Variants in TXNDC5 observed in about 807,000 individuals in gnomAD.
TXNDC5 encodes the protein thioredoxin domain containing 5.
In TXNDC5, 44 loss-of-function variants were observed where a neutral mutation model predicts 52.6. That is an observed-to-expected ratio of 0.84 (90% CI 0.66 to 1.08). The LOEUF (loss-of-function observed/expected upper bound fraction) is 1.08, where lower values mean the gene tolerates loss of function less well. TXNDC5 is among the 50% of genes least tolerant of loss of function. The pLI, the probability that TXNDC5 is intolerant of heterozygous loss-of-function variation, is 0.00. For missense variants in TXNDC5, 600 were observed against 565.5 expected (o/e 1.06, Z -0.62); for synonymous variants, 241 against 234.4 (o/e 1.03, Z -0.26).
intron 1 of TXNDC5, among the ~76,000 whole-genome samples, chr6:7,908,281 C>CAAAAAAAAAAAAAAAAAAAAAAAAAAAAA (rs57783770): frequency 3.2e-5 from 2 of 62,766 alleles, no homozygotes; most frequent in African/African-American, 5.7e-5. Flanking sequence ...GACTCCATCT[C>CAAAAAAAAAAAAAAAAAAAAAAAAAAAAA]AAAAAAAAAA....
At chr6:7,890,325 C>A (rs9505303) in intron 5 of TXNDC5, among the ~76,000 whole-genome samples, 3 of 152,102 alleles carry the variant, frequency 2.0e-5, no homozygotes, top group African/African-American at 7.3e-5. Context: ...TATTTCAACA[C>A]CTAAGACCCG....
chr6:7,907,017 G>C (rs540382723), intron 1 of TXNDC5, among the ~76,000 whole-genome samples: 61 of 152,284 alleles, frequency 4.0e-4, no homozygotes, highest in African/African-American at 1.4e-3. Context: ...TGACTGACTG[G>C]GGCGGTGTCC....
chr6:7,888,010 C>G lies in TXNDC5; in HGVS notation c.963+695G>C, dbSNP rs552921874. Among the ~76,000 whole-genome samples, 96 of 152,342 alleles carry G rather than the reference C, an allele frequency of 6.3e-4. No individual in the cohort carries two copies. The Middle Eastern group carries it at 0.01, about 16-fold the overall frequency. On this transcript the variant is annotated intron_variant, in intron 7 of 9. Transcript: ENST00000379757. ...CCCTGCACACATTTCTGCCCCAGCC[C>G]CCTGCCATTGGCTTGTGTGTCTTCT...
In TXNDC5 at chr6:7,889,774, A is replaced by G. The variant is rs1760128449; in HGVS notation, c.733-193T>C. The stretch of plus-strand genomic sequence containing the variant: ...GCTAAAACATACCTGAGCTAAAAGG[A>G]GTAAAGGAAAGACTTTAGAGGCAAG... On this transcript the variant is annotated intron_variant, in intron 5 of 9. Coordinates refer to ENST00000379757, the MANE Select transcript of TXNDC5 (RefSeq NM_030810.5). Among the ~76,000 whole-genome samples the G allele has an allele frequency of 3.3e-5, 5 of 152,376 alleles. No homozygotes were observed. The South Asian group carries it at 1.0e-3, about 32-fold the overall frequency.
At chr6:7,895,442 T>A (rs145506893) in intron 3 of TXNDC5, among the ~76,000 whole-genome samples, 3 of 152,238 alleles carry the variant, frequency 2.0e-5, no homozygotes, top group Admixed American at 1.3e-4. Context: ...AAGCTCTAGG[T>A]CTGAGTCTCC....
In TXNDC5 at chr6:7,884,351, G is replaced by A; in HGVS notation, c.1176+8C>T. The A allele has an allele frequency of 6.2e-7, 1 of 1,613,928 alleles. No homozygotes were observed. Reference sequence around the variant, plus strand: ...AGAGCTCCCATAAGCATCCATCCAAGTACCCACCGAATACTTGCTGCAGAT... The same window carrying A: ...AGAGCTCCCATAAGCATCCATCCAAATACCCACCGAATACTTGCTGCAGAT... On this transcript the variant is annotated splice_region_variant and intron_variant, in intron 9 of 9. Transcript: ENST00000379757.
rs1759881677 is a variant in TXNDC5, at chr6:7,884,372, C to T, written c.1163G>A (p.Cys388Tyr). The change falls in exon 9 of 10, where the codon TGC becomes TAC. Residue 388 changes from cysteine to tyrosine, a missense_variant. Physicochemically the swap from Cys to Tyr is radical, Grantham distance 194. Coordinates refer to ENST00000379757, the MANE Select transcript of TXNDC5 (RefSeq NM_030810.5). ...EVDCTAERNI[C>Y]SKYSVRGYPT... ...CCAAGTACCCACCGAATACTTGCTG[C>T]AGATATTCCGTTCAGCAGTGCAGTC... is the stretch of plus-strand genomic sequence containing the variant. 6.2e-7 allele frequency: 1 copy of T among 1,613,996 alleles called. No individual in the cohort carries two copies. The highest frequency in any genetic ancestry group is 1.3e-5 in the African/African-American group (1 of 74,906).
At chr6:7,899,532 A>G (rs57491386) in intron 3 of TXNDC5, 44 bp downstream of exon 3, 60 of 1,176,714 alleles carry the variant, frequency 5.1e-5, no homozygotes, top group Middle Eastern at 2.5e-4. Flanking sequence ...AGGCAGGGAG[A>G]GAGGGAGGGA....
At position 7,884,442 on chromosome 6, in the gene TXNDC5, T is replaced by C; in HGVS notation, c.1093A>G (p.Lys365Glu). The change falls in exon 9 of 10, where the codon AAA becomes GAA. Residue 365 changes from lysine (K) to glutamate (E), a missense_variant. Transcript: ENST00000379757. ...CCCGCCAGACCAGGGAATTCCTTTT[T>C]AGAGAGTTCCTCCCAAGTAGGAGCC... is the stretch of plus-strand genomic sequence containing the variant. Reference protein sequence around the residue: ...TLAPTWEELSKKEFPGLAGVK... With the variant: ...TLAPTWEELSEKEFPGLAGVK... 2 of 1,614,088 alleles carry C rather than the reference T, an allele frequency of 1.2e-6. No homozygotes were observed. Among genetic ancestry groups the C allele is most frequent in the Non-Finnish European group, 1.7e-6 (2 of 1,179,976 alleles).
At chr6:7,908,637 C>T (rs1561817237) in intron 1 of TXNDC5, among the ~76,000 whole-genome samples, 1 of 152,020 alleles carries the variant, frequency 6.6e-6, no homozygotes. Flanking sequence ...GCCCCGGCAA[C>T]ATAGCGAGAC....
At chr6:7,884,295 C>T in intron 9 of TXNDC5, 64 bp downstream of exon 9, 1 of 1,598,154 alleles carries the variant, frequency 6.3e-7, no homozygotes, top group Non-Finnish European at 8.6e-7. Flanking sequence ...GTGGTTGAGG[C>T]ACAGTTCCCT....
intron 7 of TXNDC5, among the ~76,000 whole-genome samples, chr6:7,887,308 C>T (rs1195007908): frequency 1.3e-5 from 2 of 152,180 alleles, no homozygotes; most frequent in Non-Finnish European, 2.9e-5. Flanking sequence ...CCAGTGCAGA[C>T]CTCCTGCCGC....
At chr6:7,888,554 T>C (rs1024612321) in intron 7 of TXNDC5, 151 bp downstream of exon 7, 1 of 974,616 alleles carries the variant, frequency 1.0e-6, no homozygotes, top group African/African-American at 1.7e-5. Context: ...AAAATACGTG[T>C]TGAAAACGCA....
At chr6:7,899,052 A>T (rs1760473132) in intron 3 of TXNDC5, among the ~76,000 whole-genome samples, 2 of 151,670 alleles carry the variant, frequency 1.3e-5, no homozygotes, top group South Asian at 4.2e-4. Context: ...CAGGTGGTGG[A>T]GGGCAAAGGT....
At chr6:7,901,394 C>G (rs555993222) in intron 2 of TXNDC5, among the ~76,000 whole-genome samples, 1 of 152,302 alleles carries the variant, frequency 6.6e-6, no homozygotes, top group African/African-American at 2.4e-5. Flanking sequence ...GGACCAGGGA[C>G]GGTCACACTT....
intron 1 of TXNDC5, among the ~76,000 whole-genome samples, chr6:7,905,897 T>C (rs894620475): frequency 9.9e-5 from 15 of 152,230 alleles, no homozygotes; most frequent in African/African-American, 3.6e-4. Flanking sequence ...CTCAAAATAA[T>C]TTAATAATCT....
At chr6:7,887,662 C>T (rs1174548963) in intron 7 of TXNDC5, among the ~76,000 whole-genome samples, 2 of 152,176 alleles carry the variant, frequency 1.3e-5, no homozygotes, top group East Asian at 1.9e-4. Context: ...CCTACAACTC[C>T]AATCTGCACA....
chr6:7,909,486 G>T lies in TXNDC5; in HGVS notation c.263+1028C>A, dbSNP rs925277276. Among the ~76,000 whole-genome samples, 8 of 152,204 alleles carry T rather than the reference G, an allele frequency of 5.3e-5. No homozygotes were observed. In the South Asian group the frequency reaches 8.3e-4, roughly 16 times the overall value. ...TCCGTGGGATGAGTGCCAGGGTAGG[G>T]TCTCTCAGGTCAGCAGCGAGGCCCA... On this transcript the variant is annotated intron_variant, in intron 1 of 9. Coordinates refer to ENST00000379757, the MANE Select transcript of TXNDC5 (RefSeq NM_030810.5).
Position 7,899,685 on chromosome 6 carries a change from A to G in TXNDC5, c.414-4T>C. 1 of 1,611,718 alleles carries G rather than the reference A, an allele frequency of 6.2e-7. No individual in the cohort carries two copies. The highest frequency in any genetic ancestry group is 1.3e-5 in the African/African-American group (1 of 74,970). On this transcript the variant is annotated splice_region_variant and splice_polypyrimidine_tract_variant and intron_variant, in intron 2 of 9. Transcript: ENST00000379757. ...GCCTGGCTTGAAAAGCTTTAAGCTG[A>G]AAGAATAACAAAGGATTAGACAGAG... is the stretch of plus-strand genomic sequence containing the variant.
Sources: gnomAD v4.1 joint callset for allele counts (sites outside exome capture counted in the v4.1 genomes callset) on GRCh38, gnomAD v4.1.1 for gene constraint, MANE v1.5 for transcripts, NCBI Gene and HGNC (gene_info 2026-07-23, HGNC 2026-07-21) for gene names.